FHIT: variants seen among roughly 807,000 people sequenced by gnomAD.
FHIT encodes the protein fragile histidine triad diadenosine triphosphatase.
Under a neutral mutation model 17.9 loss-of-function variants are expected in FHIT, and 19 were observed. The ratio of observed to expected loss-of-function variants is 1.06; its 90% CI spans 0.74 to 1.56. The LOEUF is 1.56. Ranked by LOEUF, FHIT falls within the 40% of genes most tolerant of loss-of-function variation. FHIT has a pLI of 0.00. For missense variants in FHIT, 248 were observed against 189.2 expected (o/e 1.31, Z -1.82); for synonymous variants, 81 against 69.7 (o/e 1.16, Z -0.81).
chr3:60,609,401 C>T (rs535412284), intron 4 of FHIT, among the ~76,000 whole-genome samples: 1 of 152,202 alleles, frequency 6.6e-6, no homozygotes, highest in Admixed American at 6.5e-5. Flanking sequence ...TCTCAGCTCA[C>T]TGCAATCTCC....
At chr3:60,043,613 A>G (rs1032299448) in intron 5 of FHIT, among the ~76,000 whole-genome samples, 2 of 152,196 alleles carry the variant, frequency 1.3e-5, no homozygotes, top group African/African-American at 4.8e-5. Context: ...TTTGAACCTG[A>G]GCACTTATGA....
chr3:60,100,529 C>T (rs995504079), intron 5 of FHIT, among the ~76,000 whole-genome samples: 1 of 152,146 alleles, frequency 6.6e-6, no homozygotes, highest in Non-Finnish European at 1.5e-5. Flanking sequence ...GTTGTTTCCA[C>T]CTGCAGGCAT....
intron 2 of FHIT, among the ~76,000 whole-genome samples, chr3:61,120,374 G>T (rs1201900551): frequency 6.6e-6 from 1 of 152,170 alleles, no homozygotes. Context: ...ATATTAGATG[G>T]TCACTACAGA....
intron 5 of FHIT, among the ~76,000 whole-genome samples, chr3:60,032,183 T>G (rs1426359243): frequency 6.6e-6 from 1 of 152,168 alleles, no homozygotes; most frequent in Non-Finnish European, 1.5e-5. Context: ...TGAATTTCCT[T>G]GGTACTTCTC....
chr3:61,244,198 A>T (rs1453726910), intron 1 of FHIT: 1 of 152,168 alleles, frequency 6.6e-6, no homozygotes, highest in African/African-American at 2.4e-5. Flanking sequence ...CACAAACAAA[A>T]AAAACACCTG....
At chr3:59,922,659 T>A (rs1392541191) in intron 7 of FHIT, among the ~76,000 whole-genome samples, 1 of 151,940 alleles carries the variant, frequency 6.6e-6, no homozygotes, top group East Asian at 1.9e-4. Flanking sequence ...TGTTTCAGAG[T>A]CTCTGTGGAA....
At chr3:60,646,764 G>C (rs548644681) in intron 4 of FHIT, among the ~76,000 whole-genome samples, 15 of 152,078 alleles carry the variant, frequency 9.9e-5, no homozygotes, top group Non-Finnish European at 1.9e-4. Flanking sequence ...GGTAAAAGTG[G>C]GGGAAAAAAG....
At chr3:60,656,091 T>C (rs917717153) in intron 4 of FHIT, among the ~76,000 whole-genome samples, 4 of 152,180 alleles carry the variant, frequency 2.6e-5, no homozygotes, top group Admixed American at 1.3e-4. Context: ...AAATTGCTTT[T>C]CTCAAGAAGC....
At position 59,789,977 on chromosome 3, in the gene FHIT, T is replaced by A. The variant is rs145766365; in HGVS notation, c.349-37656A>T. Reference sequence around the variant, plus strand: ...CTCCCATCACTCCCAAAGCTTCCCATTGTAAATGCCACTTCATCACAGCAG... The same window carrying A: ...CTCCCATCACTCCCAAAGCTTCCCAATGTAAATGCCACTTCATCACAGCAG... On this transcript the variant is annotated intron_variant, in intron 8 of 9. Transcript: ENST00000492590. Among the ~76,000 whole-genome samples the A allele has an allele frequency of 5.4e-4, 83 of 152,314 alleles. No individual in the cohort carries two copies. The East Asian group carries it at 0.014, about 26-fold the overall frequency.
chr3:59,957,643 T>C (rs112110558), intron 7 of FHIT, among the ~76,000 whole-genome samples: 7 of 152,322 alleles, frequency 4.6e-5, no homozygotes, highest in Admixed American at 6.5e-5. Flanking sequence ...CCAATGCACA[T>C]TGACCAAGTC....
chr3:61,021,598 C>CAAAAA (rs34870709), intron 3 of FHIT, among the ~76,000 whole-genome samples: 80 of 63,754 alleles, frequency 1.3e-3, no homozygotes, highest in African/African-American at 1.4e-3. Context: ...GACTCCGTCT[C>CAAAAA]AAAAAAAAAA....
intron 4 of FHIT, among the ~76,000 whole-genome samples, chr3:60,663,877 C>T (rs1553691794): frequency 6.6e-6 from 1 of 152,194 alleles, no homozygotes; most frequent in Non-Finnish European, 1.5e-5. Flanking sequence ...GCTGAACTCA[C>T]TTGTTCTAGG....
At chr3:61,127,334 T>G (rs547142123) in intron 2 of FHIT, among the ~76,000 whole-genome samples, 1 of 152,270 alleles carries the variant, frequency 6.6e-6, no homozygotes, top group South Asian at 2.1e-4. Flanking sequence ...ACTCAGTTGT[T>G]TGGCATGACA....
At chr3:60,457,026 A>G (rs550067197) in intron 5 of FHIT, among the ~76,000 whole-genome samples, 56 of 152,346 alleles carry the variant, frequency 3.7e-4, no homozygotes, top group African/African-American at 1.2e-3. Context: ...TATAGATTCA[A>G]TGCCATCCCC....
At chr3:59,832,224 C>T (rs1028909313) in intron 8 of FHIT, among the ~76,000 whole-genome samples, 3 of 152,138 alleles carry the variant, frequency 2.0e-5, no homozygotes, top group Non-Finnish European at 4.4e-5. Context: ...TACTGTCCCT[C>T]AGTTTCAGGA....
chr3:60,746,608 G>A (rs1286232416), intron 4 of FHIT, among the ~76,000 whole-genome samples: 1 of 152,184 alleles, frequency 6.6e-6, no homozygotes, highest in Non-Finnish European at 1.5e-5. Context: ...TAAGAAGGGA[G>A]GGATGGAGCA....
At chr3:60,576,908 C>T (rs1553657787) in intron 4 of FHIT, among the ~76,000 whole-genome samples, 2 of 150,928 alleles carry the variant, frequency 1.3e-5, no homozygotes, top group South Asian at 2.1e-4. Context: ...TCTCATTTCC[C>T]ATAGCTTCTG....
intron 4 of FHIT, among the ~76,000 whole-genome samples, chr3:60,613,031 T>C (rs1431980083): frequency 6.6e-6 from 1 of 152,162 alleles, no homozygotes; most frequent in Admixed American, 6.5e-5. Flanking sequence ...ATTATTTAAA[T>C]AAAATAGAAA....
chr3:60,250,799 C>A (rs940747984), intron 5 of FHIT, among the ~76,000 whole-genome samples: 1 of 152,128 alleles, frequency 6.6e-6, no homozygotes, highest in Non-Finnish European at 1.5e-5. Context: ...GATTTTCAAT[C>A]GACAATGAGA....
Sources: gnomAD v4.1 joint callset for allele counts (sites outside exome capture counted in the v4.1 genomes callset) on GRCh38, gnomAD v4.1.1 for gene constraint, MANE v1.5 for transcripts, NCBI Gene and HGNC (gene_info 2026-07-23, HGNC 2026-07-21) for gene names.